Variants in PIGL observed in about 807,000 individuals in gnomAD.
The protein encoded by PIGL is phosphatidylinositol glycan anchor biosynthesis class L.
Under a neutral mutation model 31.1 loss-of-function variants are expected in PIGL, and 22 were observed. The observed-to-expected ratio is 0.71, with a 90% CI of 0.51 to 1.01. PIGL has a LOEUF of 1.01. PIGL is among the 50% of genes least tolerant of loss of function. The pLI is 0.00. For missense variants in PIGL, 302 were observed against 315.9 expected (o/e 0.96, Z 0.33); for synonymous variants, 131 against 117.4 (o/e 1.12, Z -0.75).
chr17:16,257,444 G>T (rs1340287004), intron 2 of PIGL, among the ~76,000 whole-genome samples: 2 of 151,660 alleles, frequency 1.3e-5, no homozygotes, highest in Non-Finnish European at 2.9e-5. Context: ...CAAACAAAAA[G>T]AACACTAGTT....
At position 16,303,112 on chromosome 17, in the gene PIGL, G is replaced by A. The variant is rs1304239365; in HGVS notation, c.426+3134G>A. On this transcript the variant is annotated intron_variant, in intron 3 of 6. Coordinates refer to ENST00000225609, the MANE Select transcript of PIGL (RefSeq NM_004278.4). ...TCTTGCTTTCAGAAGAGTCTCCCAT[G>A]TTTGGGTCCCAGAAAAGTGATCTGT... Among the ~76,000 whole-genome samples, 3 of 152,116 alleles carry A rather than the reference G, an allele frequency of 2.0e-5. No individual in the cohort carries two copies. In the East Asian group the frequency reaches 5.8e-4, roughly 29 times the overall value.
intron 2 of PIGL, among the ~76,000 whole-genome samples, chr17:16,287,526 G>T (rs531964718): frequency 1.5e-4 from 23 of 152,198 alleles, no homozygotes; most frequent in Non-Finnish European, 3.2e-4. Context: ...GCTGAGACTC[G>T]AATACATTCA....
At chr17:16,319,481 G>C (rs1025125673) in intron 6 of PIGL, among the ~76,000 whole-genome samples, 1 of 151,914 alleles carries the variant, frequency 6.6e-6, no homozygotes, top group Admixed American at 6.6e-5. Flanking sequence ...GAGGCCAGAC[G>C]CCGTGGCTCA....
chr17:16,265,327 G>A (rs1283825329), intron 2 of PIGL, among the ~76,000 whole-genome samples: 1 of 152,210 alleles, frequency 6.6e-6, no homozygotes, highest in African/African-American at 2.4e-5. Flanking sequence ...GTGGTCACGA[G>A]GTGATTAGGA....
At chr17:16,237,421 A>T (rs1480517602) in intron 2 of PIGL, among the ~76,000 whole-genome samples, 2 of 149,290 alleles carry the variant, frequency 1.3e-5, no homozygotes, top group East Asian at 2.0e-4. Flanking sequence ...TTTTTTTTTT[A>T]AAGGAAAAAA....
rs376699354 is a variant in PIGL at position 16,225,629 on chromosome 17, T to C, written c.235+8168T>C. Among the ~76,000 whole-genome samples the C allele has an allele frequency of 8.6e-4, 130 of 151,788 alleles. 4 individuals are homozygous for C. The highest frequency in any genetic ancestry group is 3.1e-3 in the African/African-American group (127 of 41,428). ...AGGCGTGAGCCACCGTGCCTGGCCTTTTGTTTTCTTTTGTTGTTGTTGTTG... is the reference window on the plus strand; with the variant it reads ...AGGCGTGAGCCACCGTGCCTGGCCTCTTGTTTTCTTTTGTTGTTGTTGTTG... On this transcript the variant is annotated intron_variant, in intron 1 of 6. Transcript: ENST00000225609.
intron 1 of PIGL, chr17:16,217,908 G>A (rs2092601718): frequency 1.3e-5 from 2 of 153,510 alleles, no homozygotes; most frequent in African/African-American, 4.8e-5. Context: ...TTAAAATGCA[G>A]CTTGTGCTAG....
chr17:16,317,005 A>G, intron 5 of PIGL: 1 of 1,183,720 alleles, frequency 8.4e-7, no homozygotes, highest in African/African-American at 1.5e-5. Flanking sequence ...TTCCAGTCTG[A>G]ACTCAATCCC....
At chr17:16,276,713 G>A (rs773078954) in intron 2 of PIGL, among the ~76,000 whole-genome samples, 13 of 152,050 alleles carry the variant, frequency 8.5e-5, no homozygotes, top group Non-Finnish European at 1.5e-4. Context: ...CTCCAGCCTG[G>A]GTGACAAGAG....
intron 2 of PIGL, among the ~76,000 whole-genome samples, chr17:16,265,896 G>GT (rs1232035988): frequency 3.3e-5 from 5 of 152,014 alleles, no homozygotes; most frequent in African/African-American, 1.2e-4. Flanking sequence ...AAAGTCCTGA[G>GT]TATCCTGTTA....
chr17:16,268,601 A>G (rs968628467), intron 2 of PIGL, among the ~76,000 whole-genome samples: 2 of 152,022 alleles, frequency 1.3e-5, no homozygotes, highest in Non-Finnish European at 2.9e-5. Flanking sequence ...GGCGCCTGCC[A>G]CCATGCCTGA....
intron 2 of PIGL, among the ~76,000 whole-genome samples, chr17:16,288,824 C>T (rs1228346928): frequency 6.6e-6 from 1 of 152,240 alleles, no homozygotes; most frequent in Admixed American, 6.5e-5. Context: ...CAGGCGTGAG[C>T]CACCACACCT....
intron 3 of PIGL, among the ~76,000 whole-genome samples, chr17:16,301,355 C>G (rs2324307): frequency 0.4 from 60,538 of 151,208 alleles, 13,615 homozygotes; most frequent in Middle Eastern, 0.52. Flanking sequence ...ACCTCCGCCT[C>G]CCGGGTTCAA....
chr17:16,325,236 T>A (rs1215861823), intron 6 of PIGL, among the ~76,000 whole-genome samples: 1 of 147,366 alleles, frequency 6.8e-6, no homozygotes, highest in Non-Finnish European at 1.5e-5. Flanking sequence ...TCCCAGCTAC[T>A]CGGAAGGCTG....
chr17:16,279,171 G>A (rs2092907114), intron 2 of PIGL, among the ~76,000 whole-genome samples: 1 of 152,204 alleles, frequency 6.6e-6, no homozygotes. Flanking sequence ...TACCGGGAAG[G>A]AGTCCCAATC....
intron 4 of PIGL, 107 bp downstream of exon 4, chr17:16,313,721 C>A: frequency 1.1e-6 from 1 of 894,274 alleles, no homozygotes; most frequent in Non-Finnish European, 1.9e-6. Flanking sequence ...GCCCATGAAA[C>A]TCACTGCTGG....
intron 2 of PIGL, among the ~76,000 whole-genome samples, chr17:16,256,173 A>G (rs1198266920): frequency 6.6e-6 from 1 of 152,226 alleles, no homozygotes; most frequent in East Asian, 1.9e-4. Flanking sequence ...TCATTGCAGC[A>G]CTATTTATAA....
At chr17:16,226,137 A>G (rs2092651248) in intron 1 of PIGL, among the ~76,000 whole-genome samples, 1 of 152,132 alleles carries the variant, frequency 6.6e-6, no homozygotes, top group South Asian at 2.1e-4. Flanking sequence ...CATGCCTTAT[A>G]GACTAAGCCC....
chr17:16,250,389 T>A (rs2092766186), intron 2 of PIGL, among the ~76,000 whole-genome samples: 1 of 152,334 alleles, frequency 6.6e-6, no homozygotes, highest in East Asian at 1.9e-4. Flanking sequence ...CTGGGGATCT[T>A]GGAACATATC....
Sources: gnomAD v4.1 joint callset for allele counts (sites outside exome capture counted in the v4.1 genomes callset) on GRCh38, gnomAD v4.1.1 for gene constraint, MANE v1.5 for transcripts, NCBI Gene and HGNC (gene_info 2026-07-23, HGNC 2026-07-21) for gene names.